PDIA6: variants seen among roughly 807,000 people sequenced by gnomAD.
PDIA6 encodes the protein protein disulfide-isomerase A6.
Under a neutral mutation model 58.4 loss-of-function variants are expected in PDIA6, and 29 were observed. The ratio of observed to expected loss-of-function variants is 0.50; its 90% CI spans 0.37 to 0.68. The LOEUF (loss-of-function observed/expected upper bound fraction) is 0.68, where lower values mean the gene tolerates loss of function less well. Ranked by LOEUF, PDIA6 falls within the 30% of genes least tolerant of loss-of-function variation. The probability of loss-of-function intolerance (pLI) is 0.00; values close to 1 mark genes in which losing one functional copy is unlikely to be tolerated. For missense variants in PDIA6, 480 were observed against 551.0 expected, an observed-to-expected ratio of 0.87 and a Z score of 1.29; for synonymous variants, 192 against 202.6, an observed-to-expected ratio of 0.95 and a Z score of 0.44.
chr2:10,786,458 TCAC>T (rs1665763213), intron 11 of PDIA6, among the ~76,000 whole-genome samples: 1 of 151,884 alleles, frequency 6.6e-6, no homozygotes, highest in African/African-American at 2.4e-5. Context: ...GCCTCCCACT[TCAC>T]TACTCAAGGC....
At chr2:10,806,622 T>TAAAGACAAAGAAAG (rs1553339909) in intron 1 of PDIA6, among the ~76,000 whole-genome samples, 6 of 48,758 alleles carry the variant, frequency 1.2e-4, no homozygotes, top group Non-Finnish European at 4.1e-4. Flanking sequence ...TCCTAAAAAA[T>TAAAGACAAAGAAAG]AAAGACAGAA....
At chr2:10,788,623 C>A (rs993368606) in intron 10 of PDIA6, 74 bp downstream of exon 10, 14 of 1,006,480 alleles carry the variant, frequency 1.4e-5, no homozygotes, top group Middle Eastern at 2.0e-4. Context: ...TACAAAAACA[C>A]GGGGGAACCA....
At chr2:10,835,816 C>G (rs1022562180), upstream of PDIA6, among the ~76,000 whole-genome samples, 1 of 152,166 alleles carries the variant, frequency 6.6e-6, no homozygotes, top group African/African-American at 2.4e-5. Flanking sequence ...TTTAGGAGAC[C>G]GAGGCGGGCG....
At chr2:10,836,509 G>A (rs560614759), upstream of PDIA6, among the ~76,000 whole-genome samples, 56 of 151,324 alleles carry the variant, frequency 3.7e-4, no homozygotes, top group South Asian at 9.6e-3. Context: ...CACTGTGCCC[G>A]GCCTTCTGTG....
At chr2:10,824,347 C>A (rs540080731) in intron 1 of PDIA6, among the ~76,000 whole-genome samples, 2 of 152,344 alleles carry the variant, frequency 1.3e-5, no homozygotes, top group Admixed American at 6.5e-5. Flanking sequence ...GCCGATGACA[C>A]CTGTCGAGTG....
At position 10,795,719 on chromosome 2, in the gene PDIA6, C is replaced by T. The variant is rs1016105747; in HGVS notation, c.346+1362G>A. 2.0e-5 allele frequency among the ~76,000 whole-genome samples: 3 copies of T among 152,134 alleles called. No homozygotes were observed. The East Asian group carries it at 5.8e-4, about 29-fold the overall frequency. ...CAGCCAGGCAGCCAGGATGGGCTGC[C>T]TTCCCAGCTCACACACGACAGATTC... On this transcript the variant is annotated intron_variant, in intron 4 of 12. Transcript: ENST00000272227.
intron 10 of PDIA6, among the ~76,000 whole-genome samples, chr2:10,788,240 AC>A (rs1238938739): frequency 7.2e-5 from 11 of 152,166 alleles, no homozygotes; most frequent in Non-Finnish European, 1.3e-4. Flanking sequence ...CTGCCTGCTA[AC>A]CTGGCACTCC....
upstream of PDIA6, among the ~76,000 whole-genome samples, chr2:10,816,284 C>T: frequency 6.6e-6 from 1 of 151,716 alleles, no homozygotes; most frequent in East Asian, 1.9e-4. Flanking sequence ...GGGTTTTCAT[C>T]ATGTTGGAGA....
intron 9 of PDIA6, 50 bp from the exon 10 acceptor site, chr2:10,788,819 A>G: frequency 6.4e-7 from 1 of 1,560,650 alleles, no homozygotes; most frequent in Non-Finnish European, 8.8e-7. Context: ...AGGAGTCCAT[A>G]AAATTAATCC....
rs749755323 is a variant in PDIA6 at position 10,812,645 on chromosome 2, C to T, written c.19+33G>A. The T allele has an allele frequency of 1.1e-5, 17 of 1,513,694 alleles. No individual in the cohort carries two copies. In the South Asian group the frequency reaches 1.5e-4, roughly 13 times the overall value. 93.8% of individuals were successfully genotyped at this position (1,513,694 alleles called of 1,614,324 possible). A position where few individuals can be genotyped will look rare whatever the true frequency, so the allele number is the denominator to read the frequency against. On this transcript the variant is annotated intron_variant, in intron 1 of 12. Transcript: ENST00000272227. ...TCGAAACCTTTCAGGCCGACCCCAG[C>T]TCGCCCGCCTCCCTCCGCTGGCCCG...
intron 1 of PDIA6, among the ~76,000 whole-genome samples, chr2:10,803,563 ACTGTATTG>A (rs1355770985): frequency 6.6e-6 from 1 of 152,240 alleles, no homozygotes; most frequent in Non-Finnish European, 1.5e-5. Context: ...TACAGTGTCG[ACTGTATTG>A]CTGACCACAC....
chr2:10,816,218 G>A (rs1667189148), upstream of PDIA6, among the ~76,000 whole-genome samples: 1 of 151,586 alleles, frequency 6.6e-6, no homozygotes, highest in South Asian at 2.1e-4. Flanking sequence ...AAGTAGCTGG[G>A]ATTACAGGCA....
chr2:10,821,883 C>T (rs1667404577), intron 1 of PDIA6, among the ~76,000 whole-genome samples: 1 of 151,950 alleles, frequency 6.6e-6, no homozygotes, highest in African/African-American at 2.4e-5. Flanking sequence ...CTCAGCCTCT[C>T]AAAGTTTTGG....
chr2:10,791,703 G>A, intron 6 of PDIA6, 92 bp downstream of exon 6: 1 of 1,138,304 alleles, frequency 8.8e-7, no homozygotes, highest in Non-Finnish European at 1.3e-6. Flanking sequence ...TCTTAGTGGT[G>A]ATCTATTATC....
At chr2:10,799,790 C>T (rs1230146400) in intron 2 of PDIA6, among the ~76,000 whole-genome samples, 3 of 151,566 alleles carry the variant, frequency 2.0e-5, no homozygotes, top group Admixed American at 1.3e-4. Flanking sequence ...TCTGCACATA[C>T]ATCATAATGC....
At chr2:10,825,538 C>T (rs1288559175) in intron 1 of PDIA6, among the ~76,000 whole-genome samples, 2 of 152,126 alleles carry the variant, frequency 1.3e-5, no homozygotes, top group African/African-American at 4.8e-5. Context: ...AAGGAAGTGA[C>T]AACACACAGT....
In PDIA6 at chr2:10,796,931, G is replaced by A. The variant is rs959699809; in HGVS notation, c.346+150C>T. 8 of 675,342 alleles carry A rather than the reference G, an allele frequency of 1.2e-5. No individual in the cohort carries two copies. In the East Asian group the frequency reaches 2.2e-4, roughly 18 times the overall value. 41.8% of individuals were successfully genotyped at this position (675,342 alleles called of 1,614,324 possible). On this transcript the variant is annotated intron_variant, in intron 4 of 12. Coordinates refer to ENST00000272227, the MANE Select transcript of PDIA6 (RefSeq NM_005742.4). Reference sequence around the variant, plus strand: ...ACATATTTCATCTTCAGAATGACTCGGAGGGTATAGGAATCACTGTGTACC... The same window carrying A: ...ACATATTTCATCTTCAGAATGACTCAGAGGGTATAGGAATCACTGTGTACC...
chr2:10,800,356 A>G (rs146986870), intron 2 of PDIA6, among the ~76,000 whole-genome samples: 1 of 152,314 alleles, frequency 6.6e-6, no homozygotes, highest in East Asian at 1.9e-4. Flanking sequence ...CGGATGCTCT[A>G]CAGCTAAGTA....
intron 2 of PDIA6, among the ~76,000 whole-genome samples, chr2:10,817,938 T>C (rs932707199): frequency 5.0e-4 from 76 of 152,318 alleles, no homozygotes; most frequent in African/African-American, 1.7e-3. Flanking sequence ...GTGAAGAATC[T>C]GGGCTAACGT....
Sources: allele counts gnomAD v4.1 joint callset (sites outside exome capture counted in the v4.1 genomes callset), GRCh38; gene constraint gnomAD v4.1.1; transcripts MANE v1.5; gene names NCBI Gene and HGNC (gene_info 2026-07-23, HGNC 2026-07-21).